Variants in CTPS2 observed in about 807,000 individuals in gnomAD.
The protein encoded by CTPS2 is CTP synthase II.
In CTPS2, 19 loss-of-function variants were observed where a neutral mutation model predicts 46.8. The observed-to-expected ratio is 0.41, with a 90% CI of 0.28 to 0.60. The LOEUF (loss-of-function observed/expected upper bound fraction) is 0.60, where lower values mean the gene tolerates loss of function less well. Among genes scored for constraint, CTPS2 ranks in the 20% least tolerant of loss-of-function variants. CTPS2 has a pLI of 0.35. For missense variants in CTPS2, 286 were observed against 447.6 expected (o/e 0.64, Z 3.26); for synonymous variants, 151 against 165.2 (o/e 0.91, Z 0.66).
intron 14 of CTPS2, among the ~76,000 whole-genome samples, chrX:16,622,058 A>G (rs1232346395): frequency 9.0e-6 from 1 of 111,492 alleles, no homozygotes; most frequent in Admixed American, 9.6e-5. Context: ...CTTCATAAAA[A>G]TTAAAATAAA....
At chrX:16,678,569 T>A in intron 9 of CTPS2, 119 bp from the exon 10 acceptor site, 1 of 473,084 alleles carries the variant, frequency 2.1e-6, no homozygotes. Flanking sequence ...AACACTGTAC[T>A]GGGCACTAGG....
intron 1 of CTPS2, among the ~76,000 whole-genome samples, chrX:16,705,521 T>G (rs1339749940): frequency 8.9e-6 from 1 of 112,368 alleles, no homozygotes; most frequent in Non-Finnish European, 1.9e-5. Context: ...ACAGGGGTCA[T>G]ATGCTATTTT....
intron 8 of CTPS2, among the ~76,000 whole-genome samples, chrX:16,685,867 CAAAAAAAAAAAAA>C (rs397976604): frequency 1.8e-3 from 43 of 24,481 alleles, no homozygotes; most frequent in Non-Finnish European, 3.0e-3. Context: ...ACTCTGTCTC[CAAAAAAAAAAAAA>C]AAAAAAAAAA....
At position 16,683,179 on chromosome X, in the gene CTPS2, T is replaced by C; in HGVS notation, c.920A>G (p.Tyr307Cys). The C allele has an allele frequency of 8.3e-7, 1 of 1,210,257 alleles. No homozygotes were observed. The highest frequency in any genetic ancestry group is 1.1e-6 in the Non-Finnish European group (1 of 894,081). The change falls in exon 9 of 19, where the codon TAC (tyrosine) becomes TGC (cysteine). Residue 307 changes from tyrosine to cysteine, a missense_variant. By Grantham distance (194) the Tyr-to-Cys change is radical. Coordinates refer to ENST00000359276, the MANE Select transcript of CTPS2 (RefSeq NM_175859.3). ...KICSIALVGK[Y>C]TKLRDCYASV... ...GGCGTAGCAGTCTCTGAGCTTGGTG[T>C]ATTTGCCAACCAGGGCTATGGAGCA...
chrX:16,638,303 G>A (rs1219645158), intron 14 of CTPS2, among the ~76,000 whole-genome samples: 1 of 109,685 alleles, frequency 9.1e-6, no homozygotes, highest in East Asian at 2.8e-4. Context: ...GATTCTAAGG[G>A]ATTCTTATAA....
chrX:16,702,922 T>C lies in CTPS2; in HGVS notation c.-20A>G, dbSNP rs200252452. 8.4e-7 allele frequency: 1 copy of C among 1,183,895 alleles called. No individual in the cohort carries two copies. Among genetic ancestry groups the C allele is most frequent in the Non-Finnish European group, 1.1e-6 (1 of 875,888 alleles). On this transcript the variant is annotated 5_prime_UTR_variant, in exon 2 of 19. Transcript: ENST00000359276. Reference sequence around the variant, plus strand: ...CTTCATTGGCAGAATAGTGGCTGGGTGCCAACACCCAGATATAATCTGAAA... The same window carrying C: ...CTTCATTGGCAGAATAGTGGCTGGGCGCCAACACCCAGATATAATCTGAAA...
At chrX:16,681,670 C>A (rs775437432) in intron 9 of CTPS2, among the ~76,000 whole-genome samples, 82 of 110,831 alleles carry the variant, frequency 7.4e-4, no homozygotes, top group Non-Finnish European at 1.3e-3. Context: ...CTCAGCCTCC[C>A]AATTAGCTGA....
At chrX:16,636,752 A>G (rs1000653560) in intron 14 of CTPS2, among the ~76,000 whole-genome samples, 1 of 109,632 alleles carries the variant, frequency 9.1e-6, no homozygotes. Flanking sequence ...GTGAAACCCC[A>G]TCTCTACTAA....
chrX:16,627,523 G>A (rs1477313254), intron 14 of CTPS2, among the ~76,000 whole-genome samples: 1 of 111,947 alleles, frequency 8.9e-6, no homozygotes, highest in Non-Finnish European at 1.9e-5. Context: ...TACCAGCTGT[G>A]GAAGTCACTT....
At chrX:16,694,354 C>T (rs1246955770) in intron 4 of CTPS2, among the ~76,000 whole-genome samples, 1 of 110,561 alleles carries the variant, frequency 9.0e-6, no homozygotes, top group East Asian at 2.8e-4. Flanking sequence ...CTACAGCAAC[C>T]TCTTTATCCT....
chrX:16,675,543 A>T (rs1451585637), intron 10 of CTPS2, among the ~76,000 whole-genome samples: 1 of 112,257 alleles, frequency 8.9e-6, no homozygotes, highest in African/African-American at 3.2e-5. Flanking sequence ...AGAAACTTCT[A>T]TAATTCTAAT....
At chrX:16,591,937 A>T (rs769694368) in intron 17 of CTPS2, among the ~76,000 whole-genome samples, 53 of 111,117 alleles carry the variant, frequency 4.8e-4, no homozygotes, top group South Asian at 2.3e-3. Context: ...TTGCTCTATT[A>T]TAACTCTCCA....
intron 14 of CTPS2, among the ~76,000 whole-genome samples, chrX:16,635,028 T>A (rs1931671153): frequency 9.0e-6 from 1 of 111,129 alleles, no homozygotes; most frequent in African/African-American, 3.3e-5. Context: ...GCTGTGACCC[T>A]ATTTCAAGGC....
chrX:16,643,480 T>C (rs151106884), intron 13 of CTPS2, among the ~76,000 whole-genome samples: 1,437 of 111,505 alleles, frequency 0.013, 17 homozygotes, highest in South Asian at 0.028. Flanking sequence ...GTGCTGGGAT[T>C]ATAGGCATGA....
intron 14 of CTPS2, among the ~76,000 whole-genome samples, chrX:16,637,862 G>A (rs1931834222): frequency 8.9e-6 from 1 of 112,033 alleles, no homozygotes; most frequent in Non-Finnish European, 1.9e-5. Flanking sequence ...ATTTCATTCT[G>A]GCTAGGAAGC....
intron 14 of CTPS2, among the ~76,000 whole-genome samples, chrX:16,632,428 CT>C (rs772290027): frequency 5.0e-4 from 52 of 103,535 alleles, no homozygotes; most frequent in African/African-American, 6.6e-4. Context: ...TTCTTTCTTT[CT>C]TTTTTTTTTT....
At chrX:16,688,463 G>A (rs747108909) in intron 8 of CTPS2, among the ~76,000 whole-genome samples, 2 of 106,591 alleles carry the variant, frequency 1.9e-5, no homozygotes, top group South Asian at 4.2e-4. Context: ...AAGATACAGG[G>A]TCTCGCTATG....
At chrX:16,634,555 C>T (rs1931640522) in intron 14 of CTPS2, among the ~76,000 whole-genome samples, 1 of 112,167 alleles carries the variant, frequency 8.9e-6, no homozygotes, top group South Asian at 3.7e-4. Context: ...TCAATTCAAA[C>T]CTATAATCTC....
chrX:16,590,380 C>T lies in CTPS2; in HGVS notation c.*41+372G>A, dbSNP rs1157516932. Among the ~76,000 whole-genome samples the T allele has an allele frequency of 4.5e-5, 5 of 111,899 alleles. No homozygotes were observed. In the East Asian group the frequency reaches 1.1e-3, roughly 25 times the overall value. On this transcript the variant is annotated intron_variant, in intron 18 of 18. Coordinates refer to ENST00000359276, the MANE Select transcript of CTPS2 (RefSeq NM_175859.3). ...CATATTGTCTATGGTTGCTTTCCTG[C>T]TACAACAGCAGAATTGAGTAGTTGC...
Sources: gnomAD v4.1 joint callset for allele counts (sites outside exome capture counted in the v4.1 genomes callset) on GRCh38, gnomAD v4.1.1 for gene constraint, MANE v1.5 for transcripts, NCBI Gene and HGNC (gene_info 2026-07-23, HGNC 2026-07-21) for gene names.